The following HCN1 variants were observed in gnomAD, a reference collection of about 807,000 sequenced individuals.
HCN1 encodes hyperpolarization activated cyclic nucleotide gated potassium channel 1, also known as potassium/sodium hyperpolarization-activated cyclic nucleotide-gated channel 1.
A neutral mutation model predicts 78.9 loss-of-function variants in HCN1; 13 were observed. The observed-to-expected ratio is 0.16, with a 90% CI of 0.11 to 0.26. HCN1 has a LOEUF of 0.26. Ranked by LOEUF, HCN1 falls within the 10% of genes least tolerant of loss-of-function variation. The pLI is 1.00. For missense variants in HCN1, 810 were observed against 1,154.3 expected (o/e 0.70, Z 4.32); for synonymous variants, 552 against 455.5 (o/e 1.21, Z -2.70).
At chr5:45,694,188 T>A (rs935613104) in intron 1 of HCN1, among the ~76,000 whole-genome samples, 33 of 152,218 alleles carry the variant, frequency 2.2e-4, no homozygotes, top group Non-Finnish European at 2.8e-4. Context: ...TTTTTTAAAA[T>A]TTTTAATGAA....
At chr5:45,592,360 C>T (rs1024926364) in intron 2 of HCN1, among the ~76,000 whole-genome samples, 5 of 151,910 alleles carry the variant, frequency 3.3e-5, no homozygotes, top group South Asian at 2.1e-4. Context: ...ATGAGACTAA[C>T]CATGGAACAC....
At chr5:45,693,301 A>AACCTG (rs1318300932) in intron 1 of HCN1, among the ~76,000 whole-genome samples, 152 of 152,144 alleles carry the variant, frequency 1.0e-3, no homozygotes, top group African/African-American at 3.6e-3. Context: ...AATGTAAACA[A>AACCTG]GTACATGATT....
intron 3 of HCN1, among the ~76,000 whole-genome samples, chr5:45,450,007 A>G (rs774880759): frequency 3.9e-5 from 6 of 151,950 alleles, no homozygotes; most frequent in Non-Finnish European, 7.4e-5. Context: ...TAATTTTTGT[A>G]TTTTTAGAAG....
At chr5:45,446,154 A>G (rs1328159672) in intron 3 of HCN1, among the ~76,000 whole-genome samples, 1 of 152,216 alleles carries the variant, frequency 6.6e-6, no homozygotes, top group East Asian at 1.9e-4. Flanking sequence ...AATTTAGACG[A>G]ATGTATAACT....
chr5:45,515,259 G>T (rs1742495085), intron 2 of HCN1, among the ~76,000 whole-genome samples: 1 of 151,824 alleles, frequency 6.6e-6, no homozygotes, highest in Non-Finnish European at 1.5e-5. Context: ...CAAATTACTT[G>T]CCCAAAGAAG....
chr5:45,368,088 C>T (rs1021290196), intron 4 of HCN1, among the ~76,000 whole-genome samples: 35 of 151,958 alleles, frequency 2.3e-4, no homozygotes, highest in African/African-American at 8.5e-4. Flanking sequence ...GAACCAGGAG[C>T]TTACACTATT....
intron 7 of HCN1, among the ~76,000 whole-genome samples, chr5:45,265,634 CA>C (rs1401851755): frequency 1.3e-5 from 2 of 152,130 alleles, no homozygotes; most frequent in African/African-American, 4.8e-5. Flanking sequence ...AAAAAGCCAA[CA>C]TAACAATTTA....
chr5:45,279,432 T>C (rs1171452665), intron 6 of HCN1, among the ~76,000 whole-genome samples: 2 of 152,132 alleles, frequency 1.3e-5, no homozygotes, highest in Non-Finnish European at 2.9e-5. Context: ...TTTATTTCCA[T>C]ATTTGAGAAG....
In HCN1 at chr5:45,668,547, CA is replaced by C. The variant is rs151005559; in HGVS notation, c.426-22940del. On this transcript the variant is annotated intron_variant, in intron 1 of 7. Coordinates refer to ENST00000303230, the MANE Select transcript of HCN1 (RefSeq NM_021072.4). ...CCAGTCTCAGGTAGTATCTTTAAAGCAGTGTGAAAACGGACTGATACAGTCA... is the reference window on the plus strand; with the variant it reads ...CCAGTCTCAGGTAGTATCTTTAAAGCGTGTGAAAACGGACTGATACAGTCA... Among the ~76,000 whole-genome samples, 48 of 152,014 alleles carry C rather than the reference CA, an allele frequency of 3.2e-4. No homozygotes were observed. In the East Asian group the frequency reaches 8.5e-3, roughly 27 times the overall value.
intron 2 of HCN1, among the ~76,000 whole-genome samples, chr5:45,613,141 C>G (rs1390861571): frequency 6.9e-6 from 1 of 145,602 alleles, no homozygotes; most frequent in Non-Finnish European, 1.5e-5. Context: ...TCTCCCAGTG[C>G]TATCCCTCCC....
In HCN1 at chr5:45,373,993, A is replaced by T. The variant is rs185944948; in HGVS notation, c.1231-20747T>A. ...CATACAGTAGATACATAATATATAT[A>T]ATATATATTATATACATAATATATA... On this transcript the variant is annotated intron_variant, in intron 4 of 7. Transcript: ENST00000303230. Among the ~76,000 whole-genome samples the T allele has an allele frequency of 3.7e-3, 303 of 81,494 alleles. 3 individuals are homozygous for T. Among genetic ancestry groups the T allele is most frequent in the African/African-American group, 0.015 (257 of 16,948 alleles). The allele number at this position is 81,494 out of a possible 152,430, so 53.5% of individuals were successfully genotyped here. A position where few individuals can be genotyped will look rare whatever the true frequency, so the allele number is the denominator to read the frequency against.
intron 5 of HCN1, among the ~76,000 whole-genome samples, chr5:45,341,835 C>A (rs1249806488): frequency 1.3e-5 from 2 of 152,182 alleles, no homozygotes; most frequent in Non-Finnish European, 2.9e-5. Context: ...CCCAGGGAAG[C>A]TTCAGCAGAG....
intron 1 of HCN1, among the ~76,000 whole-genome samples, chr5:45,665,158 T>C (rs1398166218): frequency 6.6e-6 from 1 of 151,834 alleles, no homozygotes; most frequent in Non-Finnish European, 1.5e-5. Context: ...GGGACATGGA[T>C]GAAATTGGAA....
chr5:45,361,327 C>T (rs986786800), intron 4 of HCN1, among the ~76,000 whole-genome samples: 2 of 152,070 alleles, frequency 1.3e-5, no homozygotes, highest in African/African-American at 4.8e-5. Context: ...AGGCATGCAC[C>T]ACCACGCCCA....
intron 2 of HCN1, chr5:45,560,063 A>C (rs1743562961): frequency 6.6e-6 from 1 of 152,194 alleles, no homozygotes; most frequent in Non-Finnish European, 1.5e-5. Flanking sequence ...CATTGTTTTT[A>C]GACAATATTA....
At chr5:45,424,119 C>CAAA (rs35117761) in intron 3 of HCN1, among the ~76,000 whole-genome samples, 54 of 67,930 alleles carry the variant, frequency 7.9e-4, no homozygotes, top group East Asian at 2.2e-3. Flanking sequence ...ACTAAAAATC[C>CAAA]AAAAAAAAAA....
At chr5:45,393,921 C>T (rs1739635260) in intron 4 of HCN1, among the ~76,000 whole-genome samples, 1 of 152,072 alleles carries the variant, frequency 6.6e-6, no homozygotes, top group Non-Finnish European at 1.5e-5. Flanking sequence ...AGGCTTCAGT[C>T]TTATCAATTC....
chr5:45,440,125 T>A (rs1376982021), intron 3 of HCN1, among the ~76,000 whole-genome samples: 1 of 151,296 alleles, frequency 6.6e-6, no homozygotes, highest in Non-Finnish European at 1.5e-5. Context: ...AGATAGAAAC[T>A]TAGATCAAAA....
At chr5:45,504,638 T>C (rs1267071103) in intron 2 of HCN1, among the ~76,000 whole-genome samples, 4 of 152,150 alleles carry the variant, frequency 2.6e-5, no homozygotes, top group South Asian at 2.1e-4. Context: ...CTGGGTCAAA[T>C]GGTATTTCTA....
Sources: allele counts gnomAD v4.1 joint callset (sites outside exome capture counted in the v4.1 genomes callset), GRCh38; gene constraint gnomAD v4.1.1; transcripts MANE v1.5; gene names NCBI Gene and HGNC (gene_info 2026-07-23, HGNC 2026-07-21).